Variants in ARHGAP39 observed in about 807,000 individuals in gnomAD.
ARHGAP39 encodes Rho GTPase activating protein 39, also known as rho GTPase-activating protein 39.
Under a neutral mutation model 106.9 loss-of-function variants are expected in ARHGAP39, and 44 were observed. That is an observed-to-expected ratio of 0.41 (90% CI 0.32 to 0.53). The LOEUF (loss-of-function observed/expected upper bound fraction) is 0.53, where lower values mean the gene tolerates loss of function less well. Ranked by LOEUF, ARHGAP39 falls within the 20% of genes least tolerant of loss-of-function variation. The pLI is 0.21. For synonymous variants in ARHGAP39, 768 were observed against 693.2 expected, an observed-to-expected ratio of 1.11 and a Z score of -1.69; for missense variants, 1,496 against 1,577.3, an observed-to-expected ratio of 0.95 and a Z score of 0.87.
intron 7 of ARHGAP39, among the ~76,000 whole-genome samples, chr8:144,537,243 G>A (rs1031787728): frequency 3.9e-5 from 6 of 152,096 alleles, no homozygotes; most frequent in East Asian, 1.9e-4. Flanking sequence ...GCTGTGCTAG[G>A]GGCCCACCAT....
chr8:144,591,476 G>A lies in ARHGAP39; in HGVS notation c.81-10199C>T, dbSNP rs1190724390. 7.2e-5 allele frequency among the ~76,000 whole-genome samples: 11 copies of A among 152,278 alleles called. No homozygotes were observed. The East Asian group carries it at 9.7e-4, about 13-fold the overall frequency. On this transcript the variant is annotated intron_variant, in intron 2 of 11. Transcript: ENST00000377307. The surrounding 1 kb of genome is among the most constrained non-coding windows in gnomAD (Gnocchi z 5.3). ...CTGACCTGACCTAATTCAGGTGAAC[G>A]GACCCTGAAGAAGGACTTGTTTGCA... is the stretch of plus-strand genomic sequence containing the variant.
At chr8:144,573,038 G>T (rs927328506) in intron 3 of ARHGAP39, among the ~76,000 whole-genome samples, 19 of 152,214 alleles carry the variant, frequency 1.2e-4, no homozygotes, top group Non-Finnish European at 2.6e-4. Flanking sequence ...GTGGAAGACA[G>T]TGTGGCAATT....
intron 3 of ARHGAP39, among the ~76,000 whole-genome samples, chr8:144,576,213 G>A (rs1179122613): frequency 2.6e-5 from 4 of 151,218 alleles, no homozygotes; most frequent in Non-Finnish European, 4.4e-5. Context: ...GGCGCCTGAA[G>A]TCCCAGCTAC....
At chr8:144,587,527 G>A (rs1448969799) in intron 2 of ARHGAP39, among the ~76,000 whole-genome samples, 1 of 152,246 alleles carries the variant, frequency 6.6e-6, no homozygotes, top group Non-Finnish European at 1.5e-5. Context: ...AGGATAGAGG[G>A]ACGGAGCACA....
At chr8:144,576,408 T>C (rs1439407455) in intron 3 of ARHGAP39, among the ~76,000 whole-genome samples, 2 of 130,782 alleles carry the variant, frequency 1.5e-5, no homozygotes, top group African/African-American at 2.9e-5. Flanking sequence ...CTGGCCCCAA[T>C]AGCCCCACAT....
intron 3 of ARHGAP39, among the ~76,000 whole-genome samples, chr8:144,559,067 G>C (rs1210222298): frequency 1.3e-5 from 2 of 152,070 alleles, no homozygotes; most frequent in Non-Finnish European, 2.9e-5. Flanking sequence ...AATTAGCCAG[G>C]TGTGGTGGTG....
At chr8:144,613,302 T>C (rs1007080798) in intron 1 of ARHGAP39, among the ~76,000 whole-genome samples, 4 of 152,372 alleles carry the variant, frequency 2.6e-5, no homozygotes, top group African/African-American at 7.2e-5. Flanking sequence ...CCATTTCCAG[T>C]ACTCTTCAAT....
chr8:144,682,130 G>A (rs529327967), intron 1 of ARHGAP39, among the ~76,000 whole-genome samples: 5 of 150,188 alleles, frequency 3.3e-5, no homozygotes, highest in South Asian at 2.1e-4. Context: ...TTAGCCGGGC[G>A]TGGTGGCGGG....
intron 2 of ARHGAP39, among the ~76,000 whole-genome samples, chr8:144,601,307 CCT>C (rs1819920295): frequency 8.0e-6 from 1 of 124,372 alleles, no homozygotes; most frequent in African/African-American, 3.2e-5. Flanking sequence ...TGCTCATGTA[CCT>C]GTGTGTGTGT....
chr8:144,650,324 AAAG>A (rs1427491203), intron 1 of ARHGAP39, among the ~76,000 whole-genome samples: 5 of 152,180 alleles, frequency 3.3e-5, no homozygotes, highest in Non-Finnish European at 7.3e-5. Context: ...CCCGATGTAC[AAAG>A]AAGAGCTGAT....
At chr8:144,606,169 G>A (rs192149870) in intron 1 of ARHGAP39, among the ~76,000 whole-genome samples, 80 of 152,350 alleles carry the variant, frequency 5.3e-4, no homozygotes, top group African/African-American at 1.8e-3. Flanking sequence ...GGGGCCACAC[G>A]TGTAGCACAA....
chr8:144,696,989 T>G, the ARHGAP39 span, among the ~76,000 whole-genome samples: 2 of 152,184 alleles, frequency 1.3e-5, no homozygotes, highest in African/African-American at 4.8e-5. Context: ...TATTTTCATA[T>G]ATGTTATGAG....
chr8:144,631,405 C>T (rs1013483602), intron 1 of ARHGAP39, among the ~76,000 whole-genome samples: 2 of 152,244 alleles, frequency 1.3e-5, no homozygotes, highest in South Asian at 2.1e-4. Context: ...TTCTCATTCC[C>T]GCCATCACAC....
chr8:144,690,127 G>C (rs1385067369), upstream of ARHGAP39, among the ~76,000 whole-genome samples: 1 of 151,316 alleles, frequency 6.6e-6, no homozygotes, highest in African/African-American at 2.4e-5. Context: ...TTTTAAGATG[G>C]AGTTTCACTC....
the ARHGAP39 span, among the ~76,000 whole-genome samples, chr8:144,697,667 T>C: frequency 6.6e-6 from 1 of 152,070 alleles, no homozygotes; most frequent in Admixed American, 6.6e-5. Flanking sequence ...TTTTTTTGTA[T>C]TTTTAGTAGA....
chr8:144,618,995 G>T (rs976833882), intron 1 of ARHGAP39, among the ~76,000 whole-genome samples: 19 of 152,210 alleles, frequency 1.2e-4, no homozygotes, highest in African/African-American at 4.6e-4. Flanking sequence ...GCCTGTGGTG[G>T]TCTCCATAGC....
the ARHGAP39 span, among the ~76,000 whole-genome samples, chr8:144,696,431 C>A: frequency 6.6e-6 from 1 of 152,166 alleles, no homozygotes; most frequent in Non-Finnish European, 1.5e-5. Context: ...AGCCACCGCA[C>A]CTGGCCGTGC....
chr8:144,678,052 C>A (rs553872994), intron 1 of ARHGAP39, among the ~76,000 whole-genome samples: 1 of 152,284 alleles, frequency 6.6e-6, no homozygotes, highest in South Asian at 2.1e-4. Flanking sequence ...ATCCTAAACC[C>A]AATCATCTTT....
chr8:144,610,191 C>T (rs1426508424), intron 1 of ARHGAP39, among the ~76,000 whole-genome samples: 1 of 152,184 alleles, frequency 6.6e-6, no homozygotes, highest in African/African-American at 2.4e-5. Context: ...TCATTTTTGA[C>T]ATTGATATAA....
Sources: gnomAD v4.1 joint callset for allele counts (sites outside exome capture counted in the v4.1 genomes callset) on GRCh38, gnomAD v4.1.1 for gene constraint, Gnocchi (gnomAD v3.1) non-coding constraint, MANE v1.5 for transcripts, NCBI Gene and HGNC (gene_info 2026-07-23, HGNC 2026-07-21) for gene names.